DPP10: variants seen among roughly 807,000 people sequenced by gnomAD.
DPP10 encodes dipeptidyl peptidase like 10, also known as inactive dipeptidyl peptidase 10.
DPP10 carries 33 observed loss-of-function variants against 120.9 expected under a neutral mutation model. The observed-to-expected ratio is 0.27, with a 90% CI of 0.21 to 0.37. DPP10 has a LOEUF of 0.37. Among genes scored for constraint, DPP10 ranks in the 10% least tolerant of loss-of-function variants. The probability of loss-of-function intolerance (pLI) is 1.00; values close to 1 mark genes in which losing one functional copy is unlikely to be tolerated. For synonymous variants in DPP10, 337 were observed against 326.1 expected, an observed-to-expected ratio of 1.03 and a Z score of -0.36; for missense variants, 816 against 942.8, an observed-to-expected ratio of 0.87 and a Z score of 1.76.
intron 17 of DPP10, among the ~76,000 whole-genome samples, chr2:115,788,275 A>C (rs1439840010): frequency 6.6e-6 from 1 of 152,128 alleles, no homozygotes; most frequent in Admixed American, 6.5e-5. Flanking sequence ...ATTAGAAAGA[A>C]ATTTATGATT....
At chr2:115,469,398 A>G (rs150945819) in intron 3 of DPP10, among the ~76,000 whole-genome samples, 1 of 152,214 alleles carries the variant, frequency 6.6e-6, no homozygotes, top group East Asian at 1.9e-4. Context: ...CCACATGACA[A>G]ATTTACTGGT....
At chr2:114,644,546 C>T (rs1695975096) in intron 1 of DPP10, among the ~76,000 whole-genome samples, 1 of 151,886 alleles carries the variant, frequency 6.6e-6, no homozygotes, top group South Asian at 2.1e-4. Flanking sequence ...CAGTGAGACC[C>T]TGTTGCCTTG....
At chr2:115,131,927 A>G (rs2050381132) in intron 1 of DPP10, 1 of 110,098 alleles carries the variant, frequency 9.1e-6, no homozygotes, top group African/African-American at 3.7e-5. Flanking sequence ...TGTCTCTACT[A>G]AAAAAAAAAA....
At chr2:115,334,676 C>A (rs1250531743) in intron 2 of DPP10, among the ~76,000 whole-genome samples, 1 of 151,786 alleles carries the variant, frequency 6.6e-6, no homozygotes, top group Admixed American at 6.6e-5. Flanking sequence ...TTGAAGAGAA[C>A]AACTATGAAA....
At chr2:114,882,553 A>G (rs559210017) in intron 1 of DPP10, among the ~76,000 whole-genome samples, 76 of 152,078 alleles carry the variant, frequency 5.0e-4, no homozygotes, top group African/African-American at 1.7e-3. Flanking sequence ...GGGCTAAATG[A>G]CTAAATATCA....
At chr2:114,939,936 T>C (rs996981111) in intron 1 of DPP10, among the ~76,000 whole-genome samples, 16 of 152,174 alleles carry the variant, frequency 1.1e-4, no homozygotes, top group African/African-American at 3.9e-4. Context: ...ACACATTTAT[T>C]GCACAATTGA....
At chr2:114,854,815 C>T (rs551710007) in intron 1 of DPP10, among the ~76,000 whole-genome samples, 16 of 152,116 alleles carry the variant, frequency 1.1e-4, no homozygotes, top group Admixed American at 2.0e-4. Context: ...GAAAATGAAT[C>T]TATTCTTATT....
intron 1 of DPP10, among the ~76,000 whole-genome samples, chr2:114,709,895 G>A (rs1229961091): frequency 2.0e-5 from 3 of 152,192 alleles, no homozygotes; most frequent in Non-Finnish European, 4.4e-5. Flanking sequence ...AGGGGAAATT[G>A]AGTAGAGAAT....
At chr2:115,792,680 A>G (rs566308204) in intron 19 of DPP10, among the ~76,000 whole-genome samples, 1 of 151,916 alleles carries the variant, frequency 6.6e-6, no homozygotes, top group African/African-American at 2.4e-5. Context: ...AACTGTATGT[A>G]TGATTTACTG....
At chr2:115,786,363 T>C (rs193275668) in intron 17 of DPP10, among the ~76,000 whole-genome samples, 219 of 152,350 alleles carry the variant, frequency 1.4e-3, no homozygotes, top group African/African-American at 4.9e-3. Context: ...AGGGGCAGAC[T>C]GGAATTGGAT....
At chr2:114,705,956 T>C (rs895329507) in intron 1 of DPP10, among the ~76,000 whole-genome samples, 1 of 152,160 alleles carries the variant, frequency 6.6e-6, no homozygotes, top group Non-Finnish European at 1.5e-5. Context: ...CTCTATTTGT[T>C]CCAAGGGTTC....
At chr2:114,591,685 C>T (rs190446903) in intron 1 of DPP10, among the ~76,000 whole-genome samples, 75 of 151,424 alleles carry the variant, frequency 5.0e-4, no homozygotes, top group African/African-American at 1.8e-3. Flanking sequence ...CTCCTGAGTA[C>T]CTGGGATTAC....
At chr2:114,697,316 A>T (rs1396551225) in intron 1 of DPP10, among the ~76,000 whole-genome samples, 1 of 152,102 alleles carries the variant, frequency 6.6e-6, no homozygotes, top group Non-Finnish European at 1.5e-5. Context: ...ATTGATGGGA[A>T]AGGAAATTTA....
At chr2:115,436,096 A>T (rs2071467487) in intron 3 of DPP10, among the ~76,000 whole-genome samples, 1 of 151,862 alleles carries the variant, frequency 6.6e-6, no homozygotes, top group Admixed American at 6.6e-5. Flanking sequence ...TGGAAATGTT[A>T]GGTCAAAAGG....
intron 1 of DPP10, among the ~76,000 whole-genome samples, chr2:114,802,942 T>A (rs1684388052): frequency 6.6e-6 from 1 of 152,186 alleles, no homozygotes; most frequent in Non-Finnish European, 1.5e-5. Context: ...TTGAGGAACT[T>A]AACTTTTCCC....
intron 5 of DPP10, among the ~76,000 whole-genome samples, chr2:115,530,702 AATAG>A (rs2078410550): frequency 6.6e-6 from 1 of 152,060 alleles, no homozygotes; most frequent in African/African-American, 2.4e-5. Context: ...TAAATAAAGA[AATAG>A]ATAAATAAAT....
intron 1 of DPP10, among the ~76,000 whole-genome samples, chr2:114,895,171 G>A (rs1245180010): frequency 6.6e-6 from 1 of 152,014 alleles, no homozygotes; most frequent in African/African-American, 2.4e-5. Flanking sequence ...GTTACTAAAG[G>A]GACTGAAAAT....
At chr2:115,711,140 T>C (rs1271103239) in intron 7 of DPP10, among the ~76,000 whole-genome samples, 1 of 152,164 alleles carries the variant, frequency 6.6e-6, no homozygotes, top group African/African-American at 2.4e-5. Context: ...GGTGAGTACA[T>C]GTTTTTTCTT....
intron 1 of DPP10, among the ~76,000 whole-genome samples, chr2:114,945,115 G>A (rs72832481): frequency 2.6e-5 from 4 of 152,134 alleles, no homozygotes; most frequent in Admixed American, 1.3e-4. Context: ...CAGGTTACAC[G>A]TAAAATGCAA....
Sources: gnomAD v4.1 joint callset for allele counts (sites outside exome capture counted in the v4.1 genomes callset) on GRCh38, gnomAD v4.1.1 for gene constraint, MANE v1.5 for transcripts, NCBI Gene and HGNC (gene_info 2026-07-23, HGNC 2026-07-21) for gene names.